The following NAV3 variants were observed in gnomAD, a reference collection of about 807,000 sequenced individuals.
NAV3 encodes the protein neuron navigator 3, also known as pore membrane and/or filament interacting like protein 1.
In NAV3, 87 loss-of-function variants were observed where a neutral mutation model predicts 244.7. The ratio of observed to expected loss-of-function variants is 0.36; its 90% CI spans 0.30 to 0.42. The LOEUF is 0.42. Among genes scored for constraint, NAV3 ranks in the 20% least tolerant of loss-of-function variants. NAV3 has a pLI of 1.00. For missense variants in NAV3, 2,663 were observed against 2,893.3 expected (o/e 0.92, Z 1.83); for synonymous variants, 1,126 against 1,042.2 (o/e 1.08, Z -1.55).
chr12:77,784,735 C>T (rs758383556), intron 2 of NAV3, among the ~76,000 whole-genome samples: 8 of 152,004 alleles, frequency 5.3e-5, no homozygotes, highest in Non-Finnish European at 1.0e-4. Flanking sequence ...GAAGTGAGGC[C>T]ATTCAGGGAA....
intron 12 of NAV3, among the ~76,000 whole-genome samples, chr12:78,095,440 C>T (rs567238772): frequency 2.6e-5 from 4 of 152,132 alleles, no homozygotes; most frequent in African/African-American, 9.6e-5. Context: ...TGAAGAAGTA[C>T]AGAGTGGCTC....
chr12:77,786,858 C>T (rs1216321564), intron 2 of NAV3, among the ~76,000 whole-genome samples: 1 of 152,078 alleles, frequency 6.6e-6, no homozygotes, highest in Non-Finnish European at 1.5e-5. Context: ...GATGTCCTGA[C>T]CTTTAGTCTC....
chr12:77,891,260 T>A (rs577756380), intron 1 of NAV3, among the ~76,000 whole-genome samples: 2 of 149,208 alleles, frequency 1.3e-5, no homozygotes, highest in East Asian at 3.9e-4. Flanking sequence ...AATACATTTA[T>A]AAAGATAAAT....
chr12:77,919,433 T>G (rs1887490002), intron 1 of NAV3, among the ~76,000 whole-genome samples: 1 of 152,200 alleles, frequency 6.6e-6, no homozygotes, highest in African/African-American at 2.4e-5. Context: ...CCAGCTTAAC[T>G]TCTGAAAATG....
intron 22 of NAV3, among the ~76,000 whole-genome samples, chr12:78,156,399 T>C (rs1473887355): frequency 6.6e-6 from 1 of 152,120 alleles, no homozygotes; most frequent in Non-Finnish European, 1.5e-5. Context: ...AGTTTTTTTG[T>C]GCATAATTAC....
At chr12:77,790,722 C>A (rs1871140344) in intron 2 of NAV3, among the ~76,000 whole-genome samples, 1 of 152,134 alleles carries the variant, frequency 6.6e-6, no homozygotes, top group Non-Finnish European at 1.5e-5. Flanking sequence ...TTTACCTAAA[C>A]CTATGGGATT....
intron 8 of NAV3, 69 bp downstream of exon 8, chr12:78,007,514 G>C: frequency 6.8e-7 from 1 of 1,481,114 alleles, no homozygotes; most frequent in Non-Finnish European, 9.1e-7. Flanking sequence ...AGTGTAATAG[G>C]GAAGGCTGAT....
intron 2 of NAV3, among the ~76,000 whole-genome samples, chr12:77,772,701 A>T (rs1285431499): frequency 6.6e-6 from 1 of 152,180 alleles, no homozygotes; most frequent in Non-Finnish European, 1.5e-5. Context: ...ACTCATGGTC[A>T]CACGAGAACC....
In NAV3 at chr12:77,723,921, G is replaced by T. The variant is rs1219950245; in HGVS notation, c.72+151655G>T. ...TCATACATATGAGATTTAAAGTGAT[G>T]AATATGCGTGTTCATTCGTTTGTTC... is the stretch of plus-strand genomic sequence containing the variant. On this transcript the variant is annotated intron_variant, in intron 2 of 8. Transcript: ENST00000550042. Among the ~76,000 whole-genome samples the T allele has an allele frequency of 2.6e-5, 4 of 151,734 alleles. No individual in the cohort carries two copies. In the East Asian group the frequency reaches 7.8e-4, roughly 29 times the overall value.
chr12:78,194,668 G>A (rs1367388969), intron 34 of NAV3, among the ~76,000 whole-genome samples: 3 of 152,078 alleles, frequency 2.0e-5, no homozygotes, highest in African/African-American at 7.2e-5. Flanking sequence ...AAAAGGAGAT[G>A]TCCAGCGATC....
intron 2 of NAV3, among the ~76,000 whole-genome samples, chr12:77,666,990 TA>T (rs1873743977): frequency 6.6e-6 from 1 of 152,254 alleles, no homozygotes; most frequent in South Asian, 2.1e-4. Context: ...GGAGTGTGTG[TA>T]TGTGTATACT....
At chr12:78,114,475 T>A (rs1457600367) in intron 12 of NAV3, among the ~76,000 whole-genome samples, 1 of 152,114 alleles carries the variant, frequency 6.6e-6, no homozygotes, top group African/African-American at 2.4e-5. Flanking sequence ...AACAGAATCA[T>A]GGTGGAAGGG....
intron 2 of NAV3, among the ~76,000 whole-genome samples, chr12:77,642,292 T>C (rs984355792): frequency 5.9e-5 from 9 of 152,096 alleles, no homozygotes; most frequent in Non-Finnish European, 7.4e-5. Flanking sequence ...ATTATTATTT[T>C]TTTCATTAAC....
At chr12:77,979,577 T>C (rs1404872326) in intron 5 of NAV3, among the ~76,000 whole-genome samples, 1 of 151,922 alleles carries the variant, frequency 6.6e-6, no homozygotes, top group Non-Finnish European at 1.5e-5. Context: ...ACTTTAACCA[T>C]TAGTCAAGGG....
chr12:77,600,474 G>T, intron 2 of NAV3, among the ~76,000 whole-genome samples: 1 of 151,880 alleles, frequency 6.6e-6, no homozygotes, highest in East Asian at 1.9e-4. Flanking sequence ...TCTGATGCAG[G>T]AAGTAGGTAA....
upstream of NAV3, among the ~76,000 whole-genome samples, chr12:77,827,428 T>C (rs1438082720): frequency 1.3e-5 from 2 of 152,082 alleles, no homozygotes; most frequent in East Asian, 1.9e-4. Flanking sequence ...TTATTACTTA[T>C]TTTTTTAAAT....
chr12:77,747,999 G>A (rs913302821), intron 2 of NAV3, among the ~76,000 whole-genome samples: 5 of 152,010 alleles, frequency 3.3e-5, no homozygotes, highest in African/African-American at 4.8e-5. Flanking sequence ...AAACCTGCAC[G>A]TTGTGCACGT....
chr12:77,903,583 G>A (rs1056927048), intron 1 of NAV3, among the ~76,000 whole-genome samples: 9 of 152,146 alleles, frequency 5.9e-5, no homozygotes, highest in Admixed American at 2.6e-4. Flanking sequence ...CATAGGCATG[G>A]ACAAGGACTT....
Position 78,137,209 on chromosome 12 carries a change from C to T in NAV3, c.4474C>T (p.Pro1492Ser), listed in dbSNP as rs1166094251. 6.2e-7 allele frequency: 1 copy of T among 1,612,878 alleles called. No individual in the cohort carries two copies. The highest frequency in any genetic ancestry group is 8.5e-7 in the Non-Finnish European group (1 of 1,179,348). ...SPTNLSQFNL[P>S]GPSMMRSNSI... Reference sequence around the variant, plus strand: ...AACAAATTTGTCTCAGTTTAACCTTCCCGGGCCCAGCATGATGCGCTCAAA... The same window carrying T: ...AACAAATTTGTCTCAGTTTAACCTTTCCGGGCCCAGCATGATGCGCTCAAA... The change falls in exon 19 of 40, where the codon CCC becomes TCC. Residue 1492 changes from proline (P) to serine (S), a missense_variant. By Grantham distance (74) the Pro-to-Ser change is moderately conservative (BLOSUM62 -1). Transcript: ENST00000397909.
Sources: gnomAD v4.1 joint callset for allele counts (sites outside exome capture counted in the v4.1 genomes callset) on GRCh38, gnomAD v4.1.1 for gene constraint, MANE v1.5 for transcripts, NCBI Gene and HGNC (gene_info 2026-07-23, HGNC 2026-07-21) for gene names.